KIAA2012: variants seen among roughly 807,000 people sequenced by gnomAD.
The protein encoded by KIAA2012 is KIAA2012.
A neutral mutation model predicts 150.6 loss-of-function variants in KIAA2012; 125 were observed. That is an observed-to-expected ratio of 0.83 (90% confidence interval 0.72 to 0.96). KIAA2012 has a LOEUF of 0.96. KIAA2012 is among the 40% of genes least tolerant of loss of function. The pLI is 0.00. For synonymous variants in KIAA2012, 462 were observed against 504.7 expected (o/e 0.92, Z 1.13); for missense variants, 1,219 against 1,354.9 (o/e 0.90, Z 1.57).
chr2:202,123,784 T>A (rs984031744), intron 11 of KIAA2012, among the ~76,000 whole-genome samples: 1 of 152,092 alleles, frequency 6.6e-6, no homozygotes, highest in African/African-American at 2.4e-5. Flanking sequence ...CTAGGATTCC[T>A]TTTTTTCTTC....
rs1337970326 is a variant in KIAA2012 at position 202,196,983 on chromosome 2, T to G, written c.3371T>G (p.Leu1124Arg). 6.4e-7 allele frequency: 1 copy of G among 1,550,614 alleles called. No individual in the cohort carries two copies. Reference protein sequence around the residue: ...QKEEEAARLALEEATKQAQEQ... With the variant: ...QKEEEAARLAREEATKQAQEQ... ...GAAGAGGAAGCAGCAAGACTGGCTC[T>G]GGAAGAAGCCACGAAACAAGCCCAG... Residue 1124 changes from leucine (L) to arginine (R), a missense_variant, in exon 22 of 24, where the codon CTG becomes CGG. Transcript: ENST00000498697.
intron 22 of KIAA2012, among the ~76,000 whole-genome samples, chr2:202,198,967 T>C (rs1233407258): frequency 6.6e-6 from 1 of 152,156 alleles, no homozygotes; most frequent in Non-Finnish European, 1.5e-5. Context: ...CTGACTCCAT[T>C]TCAAAATTAT....
intron 13 of KIAA2012, among the ~76,000 whole-genome samples, chr2:202,151,237 A>G (rs566974433): frequency 1.3e-5 from 2 of 152,058 alleles, no homozygotes; most frequent in South Asian, 4.2e-4. Context: ...TCTCTACTAA[A>G]AATACAAAAA....
Position 202,132,700 on chromosome 2 carries a change from A to ATATATATGTATATATGTATATATATATAG in KIAA2012, c.1832-5716_1832-5688dup, listed in dbSNP as rs1553556747. ...AATACATATATATATATGTATGTAT[A>ATATATATGTATATATGTATATATATATAG]TATATATGTATATATGTATATATAT... On this transcript the variant is annotated intron_variant, in intron 12 of 23. Transcript: ENST00000498697. 1.8e-3 allele frequency among the ~76,000 whole-genome samples: 174 copies of ATATATATGTATATATGTATATATATATAG among 99,234 alleles called. 6 individuals carry two copies. The highest frequency in any genetic ancestry group is 2.8e-3 in the East Asian group (9 of 3,224). The allele number at this position is 99,234 out of a possible 152,430, so 65.1% of individuals were successfully genotyped here.
intron 15 of KIAA2012, among the ~76,000 whole-genome samples, chr2:202,173,673 A>G (rs1012688329): frequency 2.6e-5 from 4 of 152,252 alleles, no homozygotes; most frequent in East Asian, 3.8e-4. Flanking sequence ...TTAAGCTTAT[A>G]TTTTTAAAAG....
chr2:202,098,335 G>A (rs1575009521), intron 5 of KIAA2012, among the ~76,000 whole-genome samples: 1 of 152,180 alleles, frequency 6.6e-6, no homozygotes. Context: ...ACTCCAGCCT[G>A]GGCAACAGAG....
intron 2 of KIAA2012, among the ~76,000 whole-genome samples, chr2:202,088,809 C>A (rs1161324273): frequency 6.6e-6 from 1 of 152,182 alleles, no homozygotes; most frequent in African/African-American, 2.4e-5. Context: ...TAGTATGTGC[C>A]AGGCACTGTG....
chr2:202,121,805 T>C (rs1260480962), intron 11 of KIAA2012, among the ~76,000 whole-genome samples: 3 of 152,044 alleles, frequency 2.0e-5, no homozygotes, highest in African/African-American at 4.8e-5. Context: ...CACAAGCCAG[T>C]AACTGTACCA....
At chr2:202,103,216 T>G in intron 8 of KIAA2012, 102 bp downstream of exon 8, 2 of 1,079,390 alleles carry the variant, frequency 1.9e-6, no homozygotes, top group Non-Finnish European at 2.6e-6. Context: ...CCTATGGTCA[T>G]CCCCTTCAGA....
intron 14 of KIAA2012, among the ~76,000 whole-genome samples, chr2:202,157,351 G>A (rs1327669496): frequency 6.6e-6 from 1 of 152,214 alleles, no homozygotes. Context: ...ACCTGGAGCT[G>A]TGTGGAAACC....
intron 15 of KIAA2012, among the ~76,000 whole-genome samples, chr2:202,170,331 T>A (rs1691860711): frequency 6.6e-6 from 1 of 152,196 alleles, no homozygotes; most frequent in South Asian, 2.1e-4. Flanking sequence ...CCTTCCAATC[T>A]CTGTTTCTCA....
At chr2:202,136,960 C>A (rs1691078077) in intron 12 of KIAA2012, 1 of 152,328 alleles carries the variant, frequency 6.6e-6, no homozygotes. Context: ...TCAGGTGATT[C>A]TTGTGCCTCA....
intron 14 of KIAA2012, among the ~76,000 whole-genome samples, chr2:202,155,276 T>C (rs1691501227): frequency 6.6e-6 from 1 of 152,188 alleles, no homozygotes; most frequent in Non-Finnish European, 1.5e-5. Context: ...AAGAGTTCAT[T>C]GATCTCACAA....
At chr2:202,107,852 T>G (rs1690240001) in intron 9 of KIAA2012, among the ~76,000 whole-genome samples, 5 of 151,870 alleles carry the variant, frequency 3.3e-5, no homozygotes, top group Admixed American at 2.6e-4. Context: ...CAACTAAAAA[T>G]ACAAAAATTA....
At chr2:202,102,759 G>A (rs1157048127) in intron 7 of KIAA2012, among the ~76,000 whole-genome samples, 187 bp from the exon 8 acceptor site, 1 of 152,144 alleles carries the variant, frequency 6.6e-6, no homozygotes, top group South Asian at 2.1e-4. Flanking sequence ...ATTAACAGGG[G>A]CATATGCTGG....
At chr2:202,200,152 C>T (rs985992072) in intron 22 of KIAA2012, among the ~76,000 whole-genome samples, 1 of 151,948 alleles carries the variant, frequency 6.6e-6, no homozygotes, top group Admixed American at 6.6e-5. Flanking sequence ...AGGATGGTCT[C>T]AATCTCTTGA....
chr2:202,100,906 T>G (rs1355260176), intron 7 of KIAA2012, among the ~76,000 whole-genome samples: 1 of 152,218 alleles, frequency 6.6e-6, no homozygotes, highest in Non-Finnish European at 1.5e-5. Flanking sequence ...CAACCTCCTT[T>G]GGGAGTCAAA....
At chr2:202,193,556 A>T in intron 20 of KIAA2012, 53 bp downstream of exon 20, 1 of 1,537,316 alleles carries the variant, frequency 6.5e-7, no homozygotes, top group Non-Finnish European at 8.8e-7. Context: ...CAGAAGAAAA[A>T]GACAGTGGTT....
At chr2:202,094,371 G>C (rs529663660) in intron 4 of KIAA2012, among the ~76,000 whole-genome samples, 5 of 152,298 alleles carry the variant, frequency 3.3e-5, no homozygotes, top group Admixed American at 3.3e-4. Flanking sequence ...AGGATAAGTA[G>C]AGAATCTGGT....
Sources: gnomAD v4.1 joint callset for allele counts (sites outside exome capture counted in the v4.1 genomes callset) on GRCh38, gnomAD v4.1.1 for gene constraint, MANE v1.5 for transcripts, NCBI Gene and HGNC (gene_info 2026-07-23, HGNC 2026-07-21) for gene names.